Variants in NRG3 observed in about 807,000 individuals in gnomAD.
NRG3 encodes the protein neuregulin 3, also known as pro-neuregulin-3, membrane-bound isoform.
NRG3 carries 31 observed loss-of-function variants against 66.9 expected under a neutral mutation model. That is an observed-to-expected ratio of 0.46 (90% CI 0.35 to 0.63). The LOEUF (loss-of-function observed/expected upper bound fraction) is 0.63. NRG3 is among the 20% of genes least tolerant of loss of function. The pLI is 0.00. For synonymous variants in NRG3, 393 were observed against 359.4 expected (o/e 1.09, Z -1.06); for missense variants, 910 against 878.9 (o/e 1.04, Z -0.45).
chr10:82,954,555 G>A (rs1849847158), intron 5 of NRG3, among the ~76,000 whole-genome samples: 1 of 151,808 alleles, frequency 6.6e-6, no homozygotes, highest in African/African-American at 2.4e-5. Context: ...TTTAAAAAAT[G>A]AATCAATTAA....
At chr10:82,039,739 G>A (rs1363205612) in intron 1 of NRG3, among the ~76,000 whole-genome samples, 1 of 152,072 alleles carries the variant, frequency 6.6e-6, no homozygotes, top group Non-Finnish European at 1.5e-5. Flanking sequence ...TTGATCCCAG[G>A]AGTGATCTTT....
chr10:81,962,438 A>G (rs1030489310), intron 1 of NRG3, among the ~76,000 whole-genome samples: 3 of 152,176 alleles, frequency 2.0e-5, no homozygotes, highest in Non-Finnish European at 2.9e-5. Context: ...TAGGGTTTCT[A>G]TACCCTGAGC....
intron 3 of NRG3, among the ~76,000 whole-genome samples, chr10:82,740,008 C>A (rs2058343318): frequency 7.0e-6 from 1 of 142,088 alleles, no homozygotes; most frequent in Non-Finnish European, 1.6e-5. Context: ...CTTTCTCTCT[C>A]TTTTTTCCTC....
At chr10:82,279,964 A>G (rs945996668) in intron 1 of NRG3, among the ~76,000 whole-genome samples, 4 of 152,336 alleles carry the variant, frequency 2.6e-5, no homozygotes, top group Admixed American at 1.3e-4. Context: ...TGAGAGACCA[A>G]TGGGATTGGA....
chr10:82,277,495 G>C (rs1476428978), intron 1 of NRG3, among the ~76,000 whole-genome samples: 1 of 152,014 alleles, frequency 6.6e-6, no homozygotes, highest in Admixed American at 6.6e-5. Flanking sequence ...ATCTCTACTT[G>C]GGGGATAGAT....
chr10:82,908,912 G>A (rs1187561111), intron 4 of NRG3, among the ~76,000 whole-genome samples: 1 of 147,766 alleles, frequency 6.8e-6, no homozygotes, highest in Non-Finnish European at 1.5e-5. Context: ...TAGACACCAC[G>A]CCCTCAGCGA....
chr10:82,879,608 G>C (rs1162503491), intron 4 of NRG3, among the ~76,000 whole-genome samples: 1 of 151,980 alleles, frequency 6.6e-6, no homozygotes, highest in African/African-American at 2.4e-5. Context: ...GAGTAGGTGG[G>C]ACTACAGGCG....
At chr10:82,771,592 A>G (rs2059713374) in intron 3 of NRG3, among the ~76,000 whole-genome samples, 1 of 152,152 alleles carries the variant, frequency 6.6e-6, no homozygotes, top group Non-Finnish European at 1.5e-5. Flanking sequence ...CAGAGGGAAA[A>G]ACATTCTTAC....
intron 1 of NRG3, among the ~76,000 whole-genome samples, chr10:82,310,164 A>G (rs1017331325): frequency 3.9e-5 from 6 of 152,122 alleles, no homozygotes; most frequent in South Asian, 4.1e-4. Flanking sequence ...GTGACCTCCA[A>G]TTGTAAGCGC....
chr10:81,915,496 GTT>G (rs78693924), intron 1 of NRG3, among the ~76,000 whole-genome samples: 8 of 130,660 alleles, frequency 6.1e-5, no homozygotes, highest in African/African-American at 1.5e-4. Flanking sequence ...CACTTCTTTA[GTT>G]TTTTTTTTTT....
intron 1 of NRG3, among the ~76,000 whole-genome samples, chr10:82,292,390 T>C (rs1447892069): frequency 1.3e-5 from 2 of 152,118 alleles, no homozygotes; most frequent in African/African-American, 4.8e-5. Context: ...GGTGGAAATA[T>C]ATTTGGTACA....
At chr10:82,426,914 G>T (rs2089485272) in intron 2 of NRG3, among the ~76,000 whole-genome samples, 1 of 151,968 alleles carries the variant, frequency 6.6e-6, no homozygotes, top group Non-Finnish European at 1.5e-5. Context: ...GCCTCCCACA[G>T]TGCTGGGATT....
At chr10:82,201,465 C>T (rs1019734631) in intron 1 of NRG3, among the ~76,000 whole-genome samples, 2 of 152,106 alleles carry the variant, frequency 1.3e-5, no homozygotes, top group African/African-American at 2.4e-5. Flanking sequence ...GTCAACTCTT[C>T]GTCTTCTCAG....
At chr10:82,719,464 C>A (rs2057168585) in intron 2 of NRG3, among the ~76,000 whole-genome samples, 1 of 152,202 alleles carries the variant, frequency 6.6e-6, no homozygotes, top group Admixed American at 6.5e-5. Flanking sequence ...CCTGGCCCTT[C>A]TTCTATTCTG....
At chr10:82,525,397 G>T (rs1846601529) in intron 2 of NRG3, among the ~76,000 whole-genome samples, 1 of 151,798 alleles carries the variant, frequency 6.6e-6, no homozygotes, top group South Asian at 2.1e-4. Flanking sequence ...CTAACGTTGA[G>T]GGGGTATCCC....
intron 3 of NRG3, among the ~76,000 whole-genome samples, chr10:82,762,621 C>G (rs2059373726): frequency 6.6e-6 from 1 of 152,158 alleles, no homozygotes; most frequent in Non-Finnish European, 1.5e-5. Context: ...GCCTGTGTGT[C>G]TGTGTATACT....
intron 7 of NRG3, among the ~76,000 whole-genome samples, chr10:82,974,485 G>A (rs1852060599): frequency 6.6e-6 from 1 of 152,108 alleles, no homozygotes; most frequent in Admixed American, 6.5e-5. Flanking sequence ...AGCTTAACTT[G>A]TCCTTCAGCA....
At chr10:81,938,393 T>TG (rs61688310) in intron 1 of NRG3, among the ~76,000 whole-genome samples, 51,676 of 133,728 alleles carry the variant, frequency 0.39, 10,032 homozygotes, top group East Asian at 0.62. Flanking sequence ...TGTGTGTGTG[T>TG]TTTTTTTTTT....
intron 2 of NRG3, among the ~76,000 whole-genome samples, chr10:82,737,329 G>A (rs2058201707): frequency 6.6e-6 from 1 of 152,076 alleles, no homozygotes; most frequent in Non-Finnish European, 1.5e-5. Context: ...CACAATGAAA[G>A]ATAGAAAAAT....
Sources: allele counts gnomAD v4.1 joint callset (sites outside exome capture counted in the v4.1 genomes callset), GRCh38; gene constraint gnomAD v4.1.1; transcripts MANE v1.5; gene names NCBI Gene and HGNC (gene_info 2026-07-23, HGNC 2026-07-21).